CRAMP1: variants seen among roughly 807,000 people sequenced by gnomAD.
CRAMP1 encodes cramped chromatin regulator 1.
In CRAMP1, 50 loss-of-function variants were observed where a neutral mutation model predicts 115.4. That is an observed-to-expected ratio of 0.43 (90% CI 0.35 to 0.55). CRAMP1 has a LOEUF of 0.55. CRAMP1 is among the 20% of genes least tolerant of loss of function. CRAMP1 has a pLI of 0.01. For missense variants in CRAMP1, 1,679 were observed against 1,721.7 expected, an observed-to-expected ratio of 0.98 and a Z score of 0.44; for synonymous variants, 866 against 745.4, an observed-to-expected ratio of 1.16 and a Z score of -2.64.
Position 1,669,503 on chromosome 16 carries a change from C to A in CRAMP1, c.3499+338C>A, listed in dbSNP as rs565713112. ...TAGCCCGGCCCCTCCCGACTGGGTT[C>A]TCTTGAGGGGAGAAAAGGAAACTGG... On this transcript the variant is annotated intron_variant, in intron 19 of 20. Transcript: ENST00000397412. The surrounding 1 kb of genome is among the most constrained non-coding windows in gnomAD (Gnocchi z 4.6). Among the ~76,000 whole-genome samples the A allele has an allele frequency of 3.9e-5, 6 of 152,290 alleles. No individual in the cohort carries two copies. The South Asian group carries it at 8.3e-4, about 21-fold the overall frequency.
At position 1,670,738 on chromosome 16, in the gene CRAMP1, C is replaced by A; in HGVS notation, c.3574C>A (p.Leu1192Ile). ...TGGGACCAACAGTGGCACTTCCTTG[C>A]TTGGCCCCAGCTTGTTGGATGGAAA... ...PIGTNSGTSL[L>I]GPSLLDGNSR... Residue 1192 changes from leucine to isoleucine, a missense_variant, in exon 20 of 21, where the codon CTT (leucine) becomes ATT (isoleucine). Leu to Ile is a conservative substitution (Grantham distance 5). Around this residue, in one of 8 missense-constraint regions of CRAMP1, gnomAD observed 709 missense variants for 741.9 expected, o/e 0.96. Transcript: ENST00000397412. 1 of 1,613,996 alleles carries A rather than the reference C, an allele frequency of 6.2e-7. No individual in the cohort carries two copies. The highest frequency in any genetic ancestry group is 1.1e-5 in the South Asian group (1 of 91,086).
intron 7 of CRAMP1, 134 bp downstream of exon 7, chr16:1,652,715 G>T: frequency 1.3e-6 from 1 of 795,510 alleles, no homozygotes; most frequent in Non-Finnish European, 2.0e-6. Flanking sequence ...GGCTGCACAT[G>T]GACCACTCTT....
intron 7 of CRAMP1, among the ~76,000 whole-genome samples, 163 bp downstream of exon 7, chr16:1,652,744 A>G (rs900209806): frequency 6.6e-6 from 1 of 152,110 alleles, no homozygotes; most frequent in Non-Finnish European, 1.5e-5. Context: ...AATGCTCCCT[A>G]CGACCACTCA....
intron 4 of CRAMP1, among the ~76,000 whole-genome samples, chr16:1,632,640 T>C (rs2036556334): frequency 6.6e-6 from 1 of 152,254 alleles, no homozygotes; most frequent in Admixed American, 6.5e-5. Flanking sequence ...GCTCTGAGTG[T>C]GCGTGAGTTC....
At chr16:1,634,691 G>A (rs1404420220) in intron 4 of CRAMP1, among the ~76,000 whole-genome samples, 1 of 152,110 alleles carries the variant, frequency 6.6e-6, no homozygotes, top group African/African-American at 2.4e-5. Flanking sequence ...TTCTCTGATG[G>A]CCCTGACTGT....
Position 1,614,179 on chromosome 16 carries a change from G to C in CRAMP1, c.-1-460G>C, listed in dbSNP as rs1159925419. 1.3e-5 allele frequency among the ~76,000 whole-genome samples: 2 copies of C among 148,178 alleles called. No homozygotes were observed. The highest frequency in any genetic ancestry group is 4.9e-5 in the African/African-American group (2 of 40,874). On this transcript the variant is annotated intron_variant, in intron 1 of 20. Transcript: ENST00000397412. The surrounding 1 kb of genome is among the most constrained non-coding windows in gnomAD (Gnocchi z 4.4). ...CTGCGGCCCGGCCGGCCGAGGCGGC[G>C]CAGGGAGCGAGGCCGGCGCGCAGGG...
intron 2 of CRAMP1, among the ~76,000 whole-genome samples, chr16:1,620,326 G>A (rs963588704): frequency 2.6e-5 from 4 of 152,198 alleles, no homozygotes; most frequent in Non-Finnish European, 4.4e-5. Flanking sequence ...CCATGAGGAC[G>A]TTTCCCGGTG....
chr16:1,615,949 C>G (rs1047459027), intron 2 of CRAMP1, among the ~76,000 whole-genome samples: 1 of 152,152 alleles, frequency 6.6e-6, no homozygotes, highest in Admixed American at 6.5e-5. Context: ...AAATATATTA[C>G]GAACTAATGG....
At chr16:1,621,516 G>C (rs953445033) in intron 2 of CRAMP1, among the ~76,000 whole-genome samples, 6 of 152,224 alleles carry the variant, frequency 3.9e-5, no homozygotes, top group Non-Finnish European at 7.3e-5. Context: ...CGCTGACACG[G>C]GCTAAGCAGG....
rs940756338 is a variant in CRAMP1, at chr16:1,675,268, C to T, written c.*1223C>T. The T allele has an allele frequency of 6.6e-6, 1 of 152,366 alleles. No homozygotes were observed. The highest frequency in any genetic ancestry group is 2.4e-5 in the African/African-American group (1 of 41,462). The allele number at this position is 152,366 out of a possible 1,614,324, so 9.4% of individuals were successfully genotyped here. ...AACAAGGGCCCCTTTGCCTTCTCAT[C>T]CTCAGGAGTTCCAGGCACATGAGTC... On this transcript the variant is annotated 3_prime_UTR_variant, in exon 21 of 21. Coordinates refer to ENST00000397412, the MANE Select transcript of CRAMP1 (RefSeq NM_020825.4).
intron 6 of CRAMP1, among the ~76,000 whole-genome samples, chr16:1,651,128 A>G (rs2036718717): frequency 6.6e-6 from 1 of 151,618 alleles, no homozygotes; most frequent in South Asian, 2.1e-4. Flanking sequence ...GGTCATGGAA[A>G]GGTAGATTGA....
chr16:1,626,274 C>G, intron 3 of CRAMP1, 108 bp downstream of exon 3: 1 of 1,090,602 alleles, frequency 9.2e-7, no homozygotes, highest in South Asian at 1.7e-5. Context: ...AACGCAGATT[C>G]CTGGGCGACC....
At chr16:1,618,882 A>G (rs1483637446) in intron 2 of CRAMP1, among the ~76,000 whole-genome samples, 1 of 152,228 alleles carries the variant, frequency 6.6e-6, no homozygotes, top group Admixed American at 6.5e-5. Context: ...AAACAAAACC[A>G]AAAAAGATAA....
chr16:1,639,332 A>G (rs1431829247), intron 5 of CRAMP1, among the ~76,000 whole-genome samples: 2 of 151,826 alleles, frequency 1.3e-5, no homozygotes, highest in Non-Finnish European at 2.9e-5. Flanking sequence ...TACACTCCAC[A>G]GGGTGGGAGT....
At chr16:1,651,983 G>A (rs2036728108) in intron 6 of CRAMP1, among the ~76,000 whole-genome samples, 1 of 151,616 alleles carries the variant, frequency 6.6e-6, no homozygotes, top group Non-Finnish European at 1.5e-5. Context: ...TGGGGAGGTG[G>A]ACTGAGGTCA....
At chr16:1,620,378 G>A (rs1475554872) in intron 2 of CRAMP1, among the ~76,000 whole-genome samples, 3 of 152,170 alleles carry the variant, frequency 2.0e-5, no homozygotes, top group Non-Finnish European at 4.4e-5. Flanking sequence ...GCCCTTCCAC[G>A]AGCGGGTGTC....
chr16:1,638,259 C>T (rs577129518), intron 5 of CRAMP1, among the ~76,000 whole-genome samples: 19 of 152,344 alleles, frequency 1.2e-4, no homozygotes, highest in African/African-American at 4.6e-4. Context: ...ATACCATGGT[C>T]GCACCTAGAC....
intron 11 of CRAMP1, among the ~76,000 whole-genome samples, chr16:1,660,933 C>T (rs916997316): frequency 4.6e-5 from 7 of 152,108 alleles, no homozygotes; most frequent in East Asian, 3.9e-4. Context: ...CACTTGAACC[C>T]GGAAGGCGGA....
In CRAMP1 at chr16:1,670,820, T is replaced by C; in HGVS notation, c.3645+11T>C. 1 of 1,613,514 alleles carries C rather than the reference T, an allele frequency of 6.2e-7. No homozygotes were observed. Among genetic ancestry groups the C allele is most frequent in the Non-Finnish European group, 8.5e-7 (1 of 1,179,598 alleles). On this transcript the variant is annotated intron_variant, in intron 20 of 20. Coordinates refer to ENST00000397412, the MANE Select transcript of CRAMP1 (RefSeq NM_020825.4). ...GCTGACGTTGCAGAGGTGAGTGCAT[T>C]GACCTCACAGCTGCACCTGACCACC... is the stretch of plus-strand genomic sequence containing the variant.
Sources: gnomAD v4.1 joint callset for allele counts (sites outside exome capture counted in the v4.1 genomes callset) on GRCh38, gnomAD v4.1.1 for gene constraint, gnomAD v4.1.1 regional missense constraint, Gnocchi (gnomAD v3.1) non-coding constraint, MANE v1.5 for transcripts, NCBI Gene and HGNC (gene_info 2026-07-23, HGNC 2026-07-21) for gene names.